The following CTNND2 variants were observed in gnomAD, a reference collection of about 807,000 sequenced individuals.
CTNND2 encodes the protein catenin delta 2, also known as catenin delta-2.
In CTNND2, 22 loss-of-function variants were observed where a neutral mutation model predicts 144.4. The observed-to-expected ratio is 0.15, with a 90% CI of 0.11 to 0.22. The LOEUF is 0.22. Among genes scored for constraint, CTNND2 ranks in the 10% least tolerant of loss-of-function variants. The probability of loss-of-function intolerance (pLI) is 1.00; values close to 1 mark genes in which losing one functional copy is unlikely to be tolerated. For missense variants in CTNND2, 1,353 were observed against 1,618.8 expected (o/e 0.84, Z 2.82); for synonymous variants, 751 against 695.6 (o/e 1.08, Z -1.25).
intron 21 of CTNND2, among the ~76,000 whole-genome samples, chr5:10,977,360 C>CTAGA (rs1295254527): frequency 6.6e-6 from 1 of 152,126 alleles, no homozygotes; most frequent in Non-Finnish European, 1.5e-5. Flanking sequence ...CTGTTGTCAG[C>CTAGA]TAGATAGATA....
chr5:11,885,365 C>A (rs554065945), intron 1 of CTNND2, among the ~76,000 whole-genome samples: 9 of 152,144 alleles, frequency 5.9e-5, no homozygotes, highest in Admixed American at 3.9e-4. Flanking sequence ...GTTTTCCATG[C>A]AAATAGAAAC....
At chr5:11,798,000 G>A (rs912914152) in intron 1 of CTNND2, among the ~76,000 whole-genome samples, 1 of 152,160 alleles carries the variant, frequency 6.6e-6, no homozygotes, top group Admixed American at 6.5e-5. Context: ...GCTCACGCCT[G>A]TAATCCTAGC....
intron 3 of CTNND2, among the ~76,000 whole-genome samples, chr5:11,476,304 C>T (rs1767739285): frequency 6.6e-6 from 1 of 152,072 alleles, no homozygotes; most frequent in South Asian, 2.1e-4. Context: ...CTGTAATTAC[C>T]AATGAGGGTT....
chr5:11,317,175 G>A (rs1021923497), intron 9 of CTNND2, among the ~76,000 whole-genome samples: 7 of 152,064 alleles, frequency 4.6e-5, no homozygotes, highest in Admixed American at 1.3e-4. Context: ...TATTTTATCC[G>A]CATCTTACAG....
intron 3 of CTNND2, among the ~76,000 whole-genome samples, chr5:11,487,240 T>C (rs900251822): frequency 6.6e-6 from 1 of 152,186 alleles, no homozygotes; most frequent in East Asian, 1.9e-4. Context: ...CTTAATAAAA[T>C]GCAAAACTTA....
At chr5:11,571,264 G>A (rs1250627142) in intron 2 of CTNND2, among the ~76,000 whole-genome samples, 3 of 152,168 alleles carry the variant, frequency 2.0e-5, no homozygotes, top group Non-Finnish European at 2.9e-5. Context: ...TGACTGTTGG[G>A]GTGAAAGAGC....
intron 15 of CTNND2, among the ~76,000 whole-genome samples, chr5:11,085,269 TAAGA>T (rs1054395547): frequency 1.4e-4 from 21 of 152,216 alleles, no homozygotes; most frequent in Non-Finnish European, 2.9e-4. Flanking sequence ...GTGTTTTCCC[TAAGA>T]AAGAAAGGAT....
In CTNND2 at chr5:11,592,285, T is replaced by C. The variant is rs181841951; in HGVS notation, c.175-27229A>G. The stretch of plus-strand genomic sequence containing the variant: ...CTGCCTTCCTGTCTTCCTTCCTTCC[T>C]TTCTGCCTTCCTTCCTTTCTCCCTT... On this transcript the variant is annotated intron_variant, in intron 2 of 21. Coordinates refer to ENST00000304623, the MANE Select transcript of CTNND2 (RefSeq NM_001332.4). Among the ~76,000 whole-genome samples, 8 of 151,908 alleles carry C rather than the reference T, an allele frequency of 5.3e-5. No individual in the cohort carries two copies. In the East Asian group the frequency reaches 1.6e-3, roughly 30 times the overall value.
chr5:11,739,022 C>G (rs1011806713), intron 1 of CTNND2, among the ~76,000 whole-genome samples: 1 of 152,142 alleles, frequency 6.6e-6, no homozygotes, highest in African/African-American at 2.4e-5. Flanking sequence ...CAGCCCCTAC[C>G]CACACATGAC....
At chr5:11,121,138 C>T (rs1181532213) in intron 12 of CTNND2, among the ~76,000 whole-genome samples, 1 of 152,176 alleles carries the variant, frequency 6.6e-6, no homozygotes, top group Non-Finnish European at 1.5e-5. Flanking sequence ...AGCATCACGA[C>T]TTGAACACAG....
chr5:10,983,840 T>G (rs374997361), intron 20 of CTNND2, among the ~76,000 whole-genome samples: 1 of 152,168 alleles, frequency 6.6e-6, no homozygotes. Flanking sequence ...ACTATGGCCA[T>G]GAGGCCCTGC....
chr5:11,715,111 A>AC (rs1364105374), intron 2 of CTNND2, among the ~76,000 whole-genome samples: 1 of 152,156 alleles, frequency 6.6e-6, no homozygotes, highest in Admixed American at 6.5e-5. Context: ...GCCCTGAGTT[A>AC]CCAGGCAGAG....
At chr5:11,714,203 A>G (rs1786211223) in intron 2 of CTNND2, among the ~76,000 whole-genome samples, 1 of 152,204 alleles carries the variant, frequency 6.6e-6, no homozygotes, top group African/African-American at 2.4e-5. Context: ...AGAAAATGAA[A>G]AAAGGGAAAC....
At chr5:11,012,100 T>A (rs1741153401) in intron 18 of CTNND2, among the ~76,000 whole-genome samples, 2 of 152,196 alleles carry the variant, frequency 1.3e-5, no homozygotes, top group Non-Finnish European at 2.9e-5. Flanking sequence ...GGTTGTTGAA[T>A]TAATGGCAGC....
chr5:11,800,955 T>C lies in CTNND2; in HGVS notation c.38-68683A>G, dbSNP rs551355665. Among the ~76,000 whole-genome samples, 4 of 152,298 alleles carry C rather than the reference T, an allele frequency of 2.6e-5. No individual in the cohort carries two copies. In the East Asian group the frequency reaches 7.7e-4, roughly 29 times the overall value. ...ACATGCTAATTTTCTAATGAGAAGG[T>C]ACATACAGAGTTTCACGACTGTTTT... On this transcript the variant is annotated intron_variant, in intron 1 of 21. Coordinates refer to ENST00000304623, the MANE Select transcript of CTNND2 (RefSeq NM_001332.4).
chr5:11,060,514 C>T (rs1488165744), intron 16 of CTNND2, among the ~76,000 whole-genome samples: 1 of 152,176 alleles, frequency 6.6e-6, no homozygotes, highest in Non-Finnish European at 1.5e-5. Context: ...ATACCCAACA[C>T]GAGAGTCTAG....
At chr5:11,793,571 A>G (rs1273325416) in intron 1 of CTNND2, among the ~76,000 whole-genome samples, 1 of 152,258 alleles carries the variant, frequency 6.6e-6, no homozygotes, top group Non-Finnish European at 1.5e-5. Context: ...GTGCACAGGC[A>G]GAACGCCATG....
At chr5:11,250,784 T>C (rs1412857639) in intron 9 of CTNND2, among the ~76,000 whole-genome samples, 1 of 152,010 alleles carries the variant, frequency 6.6e-6, no homozygotes, top group Non-Finnish European at 1.5e-5. Flanking sequence ...CCCAAAGTGC[T>C]GGGATTACAA....
At chr5:11,719,833 T>TATATAC (rs752731192) in intron 2 of CTNND2, among the ~76,000 whole-genome samples, 2 of 142,004 alleles carry the variant, frequency 1.4e-5, no homozygotes, top group Non-Finnish European at 3.1e-5. Context: ...CTCTGACATA[T>TATATAC]ACACACACAC....
Sources: gnomAD v4.1 joint callset for allele counts (sites outside exome capture counted in the v4.1 genomes callset) on GRCh38, gnomAD v4.1.1 for gene constraint, MANE v1.5 for transcripts, NCBI Gene and HGNC (gene_info 2026-07-23, HGNC 2026-07-21) for gene names.